Variants in LRRC4C observed in about 807,000 individuals in gnomAD.
LRRC4C encodes leucine-rich repeat-containing protein 4C.
A neutral mutation model predicts 33.6 loss-of-function variants in LRRC4C; 5 were observed. The observed-to-expected ratio is 0.15, with a 90% CI of 0.08 to 0.31. The LOEUF (loss-of-function observed/expected upper bound fraction) is 0.31, where lower values mean the gene tolerates loss of function less well. Ranked by LOEUF, LRRC4C falls within the 10% of genes least tolerant of loss-of-function variation. The pLI is 1.00. For synonymous variants in LRRC4C, 329 were observed against 302.0 expected, an observed-to-expected ratio of 1.09 and a Z score of -0.93; for missense variants, 560 against 796.7, an observed-to-expected ratio of 0.70 and a Z score of 3.58.
intron 5 of LRRC4C, among the ~76,000 whole-genome samples, chr11:40,154,299 A>AAAAAACAAAAC (rs1161202429): frequency 2.0e-5 from 3 of 151,608 alleles, no homozygotes; most frequent in African/African-American, 7.3e-5. Flanking sequence ...AAAAAAAAAA[A>AAAAAACAAAAC]AAAACAAAAA....
At chr11:40,282,828 C>A (rs1943569702) in intron 4 of LRRC4C, among the ~76,000 whole-genome samples, 1 of 152,112 alleles carries the variant, frequency 6.6e-6, no homozygotes, top group Non-Finnish European at 1.5e-5. Context: ...TTATTATATC[C>A]ATGAATGTAT....
At chr11:41,181,019 A>G (rs1945425804) in intron 1 of LRRC4C, among the ~76,000 whole-genome samples, 1 of 152,150 alleles carries the variant, frequency 6.6e-6, no homozygotes, top group African/African-American at 2.4e-5. Context: ...GGAGAAGAAA[A>G]AAAAAGAAAA....
At chr11:40,151,602 C>T (rs144531396) in intron 5 of LRRC4C, among the ~76,000 whole-genome samples, 50 of 152,184 alleles carry the variant, frequency 3.3e-4, no homozygotes, top group African/African-American at 1.1e-3. Flanking sequence ...TGAAGTAGTT[C>T]GCGGAAGGTA....
chr11:40,346,390 TC>T (rs1333575576), intron 3 of LRRC4C, among the ~76,000 whole-genome samples: 4 of 152,224 alleles, frequency 2.6e-5, no homozygotes, highest in African/African-American at 9.6e-5. Flanking sequence ...TGAGATCATG[TC>T]CTTTGCAGGG....
intron 1 of LRRC4C, among the ~76,000 whole-genome samples, chr11:41,445,864 GCA>G (rs1491264596): frequency 4.4e-5 from 6 of 136,122 alleles, no homozygotes; most frequent in African/African-American, 8.7e-5. Context: ...ATGAGTGACT[GCA>G]TGTGTGTGTG....
chr11:41,077,820 C>G (rs1293922036), intron 1 of LRRC4C, among the ~76,000 whole-genome samples: 2 of 152,194 alleles, frequency 1.3e-5, no homozygotes, highest in Non-Finnish European at 2.9e-5. Context: ...CGCAAATTTT[C>G]CAAACGTTTA....
intron 3 of LRRC4C, among the ~76,000 whole-genome samples, chr11:40,392,784 G>A (rs1273048246): frequency 6.6e-6 from 1 of 152,000 alleles, no homozygotes; most frequent in Non-Finnish European, 1.5e-5. Flanking sequence ...TACCTACTAT[G>A]TATCATGTTC....
At chr11:40,758,223 A>G (rs554376384) in intron 2 of LRRC4C, among the ~76,000 whole-genome samples, 1 of 151,994 alleles carries the variant, frequency 6.6e-6, no homozygotes, top group Non-Finnish European at 1.5e-5. Context: ...GTCTCCGAGG[A>G]GCTATGTTCT....
chr11:40,893,515 T>A (rs1008768195), intron 2 of LRRC4C, among the ~76,000 whole-genome samples: 2 of 152,132 alleles, frequency 1.3e-5, no homozygotes, highest in African/African-American at 2.4e-5. Context: ...ATTATATTTA[T>A]GTGTATAGAC....
intron 3 of LRRC4C, among the ~76,000 whole-genome samples, chr11:40,542,560 C>A (rs1565489003): frequency 6.6e-6 from 1 of 152,084 alleles, no homozygotes; most frequent in Admixed American, 6.6e-5. Flanking sequence ...ATAATAACAA[C>A]CAGGACCACT....
intron 1 of LRRC4C, among the ~76,000 whole-genome samples, chr11:41,281,266 T>A (rs1353828176): frequency 6.6e-6 from 1 of 152,066 alleles, no homozygotes; most frequent in Non-Finnish European, 1.5e-5. Flanking sequence ...CATCAGGTTT[T>A]AAATAGAAAT....
chr11:40,243,730 C>T (rs1444898753), intron 4 of LRRC4C, among the ~76,000 whole-genome samples: 7 of 140,956 alleles, frequency 5.0e-5, no homozygotes, highest in Admixed American at 7.3e-5. Flanking sequence ...CACTCTGTCT[C>T]CCAGGCTGAA....
At position 40,494,660 on chromosome 11, in the gene LRRC4C, A is replaced by G. The variant is rs144364293; in HGVS notation, c.-270+153482T>C. Among the ~76,000 whole-genome samples the G allele has an allele frequency of 3.7e-3, 566 of 152,280 alleles. 3 individuals carry two copies. The highest frequency in any genetic ancestry group is 5.3e-3 in the Non-Finnish European group (363 of 68,020). On this transcript the variant is annotated intron_variant, in intron 3 of 6. Coordinates refer to ENST00000528697, the MANE Select transcript of LRRC4C (RefSeq NM_001258419.2). ...ATATAGACATAATAAGTGGTAAATC[A>G]TATGCCCTGGTAAAGATGAAAAATT...
At chr11:40,730,063 C>T (rs1352280390) in intron 2 of LRRC4C, among the ~76,000 whole-genome samples, 4 of 151,148 alleles carry the variant, frequency 2.6e-5, no homozygotes, top group Non-Finnish European at 5.9e-5. Flanking sequence ...AGTGAGATCA[C>T]GTGGACACAG....
rs533655737 is a variant in LRRC4C, at chr11:41,308,608, G to A, written c.-496+150823C>T. Among the ~76,000 whole-genome samples the A allele has an allele frequency of 3.9e-5, 6 of 152,236 alleles. No homozygotes were observed. The South Asian group carries it at 8.3e-4, about 21-fold the overall frequency. ...TATTAAAACCACAGGTATTCAAAGC[G>A]AAGAGATATTCTGATTTTTAAGATG... On this transcript the variant is annotated intron_variant, in intron 1 of 6. Transcript: ENST00000528697.
intron 5 of LRRC4C, among the ~76,000 whole-genome samples, chr11:40,193,424 T>C (rs1862007420): frequency 6.6e-6 from 1 of 152,080 alleles, no homozygotes. Context: ...ACAAAAAGGA[T>C]GACCATGCAA....
intron 2 of LRRC4C, among the ~76,000 whole-genome samples, chr11:40,834,911 G>GAC (rs10682975): frequency 0.037 from 3,141 of 84,898 alleles, 143 homozygotes; most frequent in African/African-American, 0.098. Flanking sequence ...CAGACAGACA[G>GAC]ACACACACAC....
chr11:40,588,088 T>C, intron 3 of LRRC4C, among the ~76,000 whole-genome samples: 2 of 151,888 alleles, frequency 1.3e-5, no homozygotes. Context: ...AGAATTTGGC[T>C]GTGAATCCAT....
intron 2 of LRRC4C, among the ~76,000 whole-genome samples, chr11:40,789,979 TTGAAC>T (rs1258155505): frequency 6.6e-6 from 1 of 152,114 alleles, no homozygotes; most frequent in Non-Finnish European, 1.5e-5. Flanking sequence ...GCCTTAAAGG[TTGAAC>T]TGAAGTTTTT....
Sources: allele counts gnomAD v4.1 joint callset (sites outside exome capture counted in the v4.1 genomes callset), GRCh38; gene constraint gnomAD v4.1.1; transcripts MANE v1.5; gene names NCBI Gene and HGNC (gene_info 2026-07-23, HGNC 2026-07-21).